LRMDA: variants seen among roughly 807,000 people sequenced by gnomAD.
LRMDA encodes leucine rich melanocyte differentiation associated.
Under a neutral mutation model 29.8 loss-of-function variants are expected in LRMDA, and 18 were observed. That is an observed-to-expected ratio of 0.60 (90% CI 0.42 to 0.90). The LOEUF (loss-of-function observed/expected upper bound fraction) is 0.90, where lower values mean the gene tolerates loss of function less well. Ranked by LOEUF, LRMDA falls within the 40% of genes least tolerant of loss-of-function variation. The pLI is 0.00. For missense variants in LRMDA, 273 were observed against 273.9 expected, an observed-to-expected ratio of 1.00 and a Z score of 0.02; for synonymous variants, 125 against 109.4, an observed-to-expected ratio of 1.14 and a Z score of -0.89.
At chr10:75,697,499 C>A (rs564163722) in intron 2 of LRMDA, among the ~76,000 whole-genome samples, 5 of 150,272 alleles carry the variant, frequency 3.3e-5, no homozygotes, top group African/African-American at 1.2e-4. Context: ...GTTAGAGGAG[C>A]ATTCTTTTTT....
intron 2 of LRMDA, among the ~76,000 whole-genome samples, chr10:75,493,722 G>T (rs1238896214): frequency 6.6e-6 from 1 of 152,144 alleles, no homozygotes; most frequent in Non-Finnish European, 1.5e-5. Flanking sequence ...CCCCATGGGT[G>T]CAGGCTTGGT....
At chr10:75,491,443 C>G (rs1158142601) in intron 2 of LRMDA, among the ~76,000 whole-genome samples, 1 of 152,166 alleles carries the variant, frequency 6.6e-6, no homozygotes, top group Admixed American at 6.5e-5. Flanking sequence ...TTGTCACCCA[C>G]TGTATGGTCT....
chr10:75,751,409 T>G (rs373684776), intron 2 of LRMDA, among the ~76,000 whole-genome samples: 2 of 152,222 alleles, frequency 1.3e-5, no homozygotes, highest in East Asian at 1.9e-4. Context: ...AACTTTAACC[T>G]GCTTTTAACC....
At chr10:75,946,292 C>T (rs191969281) in intron 2 of LRMDA, among the ~76,000 whole-genome samples, 7 of 152,324 alleles carry the variant, frequency 4.6e-5, no homozygotes, top group Admixed American at 1.3e-4. Context: ...CCGCTGTGCC[C>T]ATGTGAGCTA....
intron 5 of LRMDA, among the ~76,000 whole-genome samples, chr10:76,320,939 ACATTT>A (rs1383089617): frequency 6.6e-6 from 1 of 152,228 alleles, no homozygotes; most frequent in East Asian, 1.9e-4. Context: ...ATATTATATT[ACATTT>A]ATCATTTTGC....
At chr10:76,420,917 A>T (rs1842065496) in intron 6 of LRMDA, among the ~76,000 whole-genome samples, 3 of 152,140 alleles carry the variant, frequency 2.0e-5, no homozygotes, top group Admixed American at 2.0e-4. Flanking sequence ...ATTTCCTGAT[A>T]CTTGCTTTAT....
intron 4 of LRMDA, among the ~76,000 whole-genome samples, chr10:76,055,643 G>A (rs530136090): frequency 6.6e-6 from 1 of 152,356 alleles, no homozygotes; most frequent in African/African-American, 2.4e-5. Flanking sequence ...GGGTACATGA[G>A]CAAGCAAGCA....
chr10:75,716,886 T>C (rs1842507534), intron 2 of LRMDA, among the ~76,000 whole-genome samples: 1 of 152,194 alleles, frequency 6.6e-6, no homozygotes, highest in Admixed American at 6.5e-5. Flanking sequence ...AAGTATGATA[T>C]GAAAAATGAG....
At chr10:76,124,821 C>G (rs991530245) in intron 5 of LRMDA, among the ~76,000 whole-genome samples, 1 of 152,210 alleles carries the variant, frequency 6.6e-6, no homozygotes, top group Non-Finnish European at 1.5e-5. Flanking sequence ...CTTTGCCAGC[C>G]GATTCCTTAA....
intron 2 of LRMDA, among the ~76,000 whole-genome samples, chr10:75,725,188 A>G (rs1842616201): frequency 6.6e-6 from 1 of 152,244 alleles, no homozygotes; most frequent in South Asian, 2.1e-4. Flanking sequence ...TGGGAACTGG[A>G]GAATCCAATC....
chr10:76,365,426 T>G (rs1841381632), intron 6 of LRMDA, among the ~76,000 whole-genome samples: 1 of 152,164 alleles, frequency 6.6e-6, no homozygotes, highest in Non-Finnish European at 1.5e-5. Context: ...TTTTGATTTT[T>G]TTATTATGGC....
intron 6 of LRMDA, among the ~76,000 whole-genome samples, chr10:76,500,113 A>G (rs1216348988): frequency 1.3e-5 from 1 of 75,290 alleles, no homozygotes; most frequent in Admixed American, 1.2e-4. Context: ...GCTTTAAGCA[A>G]TCCTTCTGTC....
rs556609007 is a variant in LRMDA at position 76,510,719 on chromosome 10, C to T, written c.602-46490C>T. On this transcript the variant is annotated intron_variant, in intron 6 of 6. Transcript: ENST00000611255. ...ACTGCACAAATAGATGCCTCGTGAT[C>T]GCTGTTGAGATGAGGTCTTCCAGAG... 4.6e-5 allele frequency among the ~76,000 whole-genome samples: 7 copies of T among 152,238 alleles called. No individual in the cohort carries two copies. The South Asian group carries it at 1.2e-3, about 27-fold the overall frequency.
chr10:75,773,083 CT>C (rs748733225), intron 2 of LRMDA, among the ~76,000 whole-genome samples: 7 of 152,200 alleles, frequency 4.6e-5, no homozygotes, highest in Non-Finnish European at 8.8e-5. Flanking sequence ...GACCTTGCCA[CT>C]GTTGACATTT....
At chr10:75,827,444 T>C (rs1017986648) in intron 2 of LRMDA, among the ~76,000 whole-genome samples, 3 of 152,210 alleles carry the variant, frequency 2.0e-5, no homozygotes, top group Non-Finnish European at 4.4e-5. Flanking sequence ...TTGTATTTTC[T>C]TCTTGCTTGT....
intron 6 of LRMDA, among the ~76,000 whole-genome samples, chr10:76,440,769 A>C (rs1842294117): frequency 6.6e-6 from 1 of 152,180 alleles, no homozygotes. Flanking sequence ...CCGTAGTCTC[A>C]TAATGGGAAT....
intron 2 of LRMDA, among the ~76,000 whole-genome samples, chr10:75,610,995 C>T (rs993190682): frequency 2.6e-5 from 4 of 152,036 alleles, no homozygotes; most frequent in African/African-American, 9.7e-5. Context: ...ACTTGGGTGA[C>T]AGCATGCCTC....
At chr10:75,994,860 A>G (rs1414072877) in intron 2 of LRMDA, among the ~76,000 whole-genome samples, 1 of 152,238 alleles carries the variant, frequency 6.6e-6, no homozygotes, top group African/African-American at 2.4e-5. Context: ...GCATTTTGAC[A>G]GTACAATAAC....
intron 2 of LRMDA, among the ~76,000 whole-genome samples, chr10:75,814,589 A>C (rs1319199363): frequency 6.8e-6 from 1 of 146,932 alleles, no homozygotes; most frequent in African/African-American, 2.5e-5. Flanking sequence ...GCCACCTGAA[A>C]CATTCATGTT....
Sources: allele counts gnomAD v4.1 joint callset (sites outside exome capture counted in the v4.1 genomes callset), GRCh38; gene constraint gnomAD v4.1.1; transcripts MANE v1.5; gene names NCBI Gene and HGNC (gene_info 2026-07-23, HGNC 2026-07-21).